Variants in RSPO2 observed in about 807,000 individuals in gnomAD.
RSPO2 encodes the protein R-spondin 2, also known as R-spondin-2.
Under a neutral mutation model 30.9 loss-of-function variants are expected in RSPO2, and 14 were observed. The ratio of observed to expected loss-of-function variants is 0.45; its 90% CI spans 0.30 to 0.71. RSPO2 has a LOEUF of 0.71. Among genes scored for constraint, RSPO2 ranks in the 30% least tolerant of loss-of-function variants. The pLI is 0.08. For missense variants in RSPO2, 264 were observed against 301.9 expected (o/e 0.87, Z 0.93); for synonymous variants, 107 against 96.4 (o/e 1.11, Z -0.64).
Position 108,050,711 on chromosome 8 carries a change from T to C in RSPO2, c.94+31834A>G, listed in dbSNP as rs553442668. ...TGCAGGGAAAACGGCTGCCACTATC[T>C]AGCAAATGTTGAACAGGACCTGAAC... On this transcript the variant is annotated intron_variant, in intron 2 of 5. Coordinates refer to ENST00000276659, the MANE Select transcript of RSPO2 (RefSeq NM_178565.5). 1.8e-4 allele frequency among the ~76,000 whole-genome samples: 27 copies of C among 152,278 alleles called. 1 individual carries two copies. In the South Asian group the frequency reaches 5.6e-3, roughly 32 times the overall value.
At chr8:108,075,598 C>G (rs1242767150) in intron 2 of RSPO2, among the ~76,000 whole-genome samples, 1 of 151,690 alleles carries the variant, frequency 6.6e-6, no homozygotes, top group Non-Finnish European at 1.5e-5. Context: ...GATACACAGA[C>G]ACTAGTGTAC....
chr8:108,043,890 C>A (rs932999082), intron 2 of RSPO2, among the ~76,000 whole-genome samples: 3 of 151,950 alleles, frequency 2.0e-5, no homozygotes, highest in African/African-American at 7.3e-5. Context: ...TTATCAAACT[C>A]AGCTTTAGAA....
intron 2 of RSPO2, among the ~76,000 whole-genome samples, chr8:108,065,289 G>GA (rs533689799): frequency 0.13 from 10,054 of 78,122 alleles, 489 homozygotes; most frequent in South Asian, 0.21. Context: ...CTCAGAAATT[G>GA]AAAAAAAAAA....
In RSPO2 at chr8:107,989,247, G is replaced by A. The variant is rs1395445387; in HGVS notation, c.95-3C>T. 2.0e-6 allele frequency: 3 copies of A among 1,534,354 alleles called. No homozygotes were observed. The highest frequency in any genetic ancestry group is 2.8e-5 in the African/African-American group (2 of 70,352). ...AATGGGATTTGATACATAACTAGCT[G>A]TAAAAGAAAAACAAAAATTGTGTTT... On this transcript the variant is annotated splice_polypyrimidine_tract_variant and splice_region_variant and intron_variant, in intron 2 of 5. Coordinates refer to ENST00000276659, the MANE Select transcript of RSPO2 (RefSeq NM_178565.5).
intron 2 of RSPO2, among the ~76,000 whole-genome samples, chr8:108,054,501 A>G (rs1016783052): frequency 1.3e-5 from 2 of 152,158 alleles, no homozygotes; most frequent in Non-Finnish European, 2.9e-5. Context: ...TCCATGAGTC[A>G]AAACTCAGGC....
chr8:108,065,558 C>A (rs1812639798), intron 2 of RSPO2, among the ~76,000 whole-genome samples: 1 of 151,162 alleles, frequency 6.6e-6, no homozygotes, highest in Admixed American at 6.6e-5. Flanking sequence ...AAAAACTATG[C>A]CAATAGTAAT....
At chr8:108,079,734 C>A (rs1287643961) in intron 2 of RSPO2, among the ~76,000 whole-genome samples, 4 of 151,098 alleles carry the variant, frequency 2.6e-5, no homozygotes, top group African/African-American at 9.7e-5. Flanking sequence ...CAGGGGTAAG[C>A]CTAACCAATC....
At chr8:108,045,016 G>A (rs2130665190) in intron 2 of RSPO2, among the ~76,000 whole-genome samples, 1 of 152,168 alleles carries the variant, frequency 6.6e-6, no homozygotes, top group Non-Finnish European at 1.5e-5. Context: ...CATCAGCCTT[G>A]GCAAAGAATT....
At chr8:108,064,723 C>A (rs906821541) in intron 2 of RSPO2, among the ~76,000 whole-genome samples, 4 of 152,082 alleles carry the variant, frequency 2.6e-5, no homozygotes, top group African/African-American at 4.8e-5. Flanking sequence ...CACATGCACA[C>A]GTATGTTTAT....
At chr8:107,907,985 G>T (rs1811707461) in intron 5 of RSPO2, among the ~76,000 whole-genome samples, 1 of 151,998 alleles carries the variant, frequency 6.6e-6, no homozygotes, top group Non-Finnish European at 1.5e-5. Flanking sequence ...CAAAATGATG[G>T]AAATGGAAAA....
At position 108,067,827 on chromosome 8, in the gene RSPO2, A is replaced by C. The variant is rs12675280; in HGVS notation, c.94+14718T>G. ...GCTAAGGCCAGGCACGGTGGCTCAC[A>C]CCTGTAATCCCAGCATTTTGGGAGG... On this transcript the variant is annotated intron_variant, in intron 2 of 5. Coordinates refer to ENST00000276659, the MANE Select transcript of RSPO2 (RefSeq NM_178565.5). Among the ~76,000 whole-genome samples the C allele has an allele frequency of 0.012, 1,878 of 152,250 alleles. 91 individuals are homozygous for C. The East Asian group carries it at 0.13, about 10-fold the overall frequency.
intron 2 of RSPO2, among the ~76,000 whole-genome samples, chr8:108,038,532 T>C (rs1178737291): frequency 6.6e-6 from 1 of 152,146 alleles, no homozygotes; most frequent in Non-Finnish European, 1.5e-5. Flanking sequence ...CTACTATGGA[T>C]AAGACATTAT....
intron 2 of RSPO2, among the ~76,000 whole-genome samples, chr8:108,049,383 G>A (rs529356556): frequency 2.6e-5 from 4 of 151,214 alleles, no homozygotes; most frequent in African/African-American, 7.3e-5. Context: ...AAGAATACAT[G>A]CATCTTTTTT....
At chr8:107,905,832 A>G (rs1405414866) in intron 5 of RSPO2, among the ~76,000 whole-genome samples, 1 of 151,848 alleles carries the variant, frequency 6.6e-6, no homozygotes, top group East Asian at 1.9e-4. Flanking sequence ...AGCAAGAGGT[A>G]TTTATTTAAG....
intron 5 of RSPO2, among the ~76,000 whole-genome samples, chr8:107,949,201 T>C (rs1813164568): frequency 6.6e-6 from 1 of 152,160 alleles, no homozygotes; most frequent in Admixed American, 6.5e-5. Context: ...ATTTCATTTG[T>C]ATGCCTTTGT....
chr8:108,024,066 A>G (rs1811131540), intron 2 of RSPO2, among the ~76,000 whole-genome samples: 1 of 152,170 alleles, frequency 6.6e-6, no homozygotes, highest in South Asian at 2.1e-4. Flanking sequence ...CCCTGTATTT[A>G]AAAGTAGGGG....
At chr8:107,983,108 C>G in intron 3 of RSPO2, 7 of 1,422,412 alleles carry the variant, frequency 4.9e-6, no homozygotes, top group Non-Finnish European at 6.7e-6. Flanking sequence ...GCCGCTTACC[C>G]CAGGGTCTAT....
At chr8:108,074,256 T>C (rs757503685) in intron 2 of RSPO2, among the ~76,000 whole-genome samples, 7 of 152,178 alleles carry the variant, frequency 4.6e-5, no homozygotes, top group Non-Finnish European at 1.0e-4. Flanking sequence ...TTTCTCCAAA[T>C]GACTAGATGA....
chr8:108,038,981 T>A (rs978010561), intron 2 of RSPO2, among the ~76,000 whole-genome samples: 1 of 152,176 alleles, frequency 6.6e-6, no homozygotes, highest in African/African-American at 2.4e-5. Flanking sequence ...AGTTATTTGA[T>A]AAATGCTTTG....
Sources: allele counts gnomAD v4.1 joint callset (sites outside exome capture counted in the v4.1 genomes callset), GRCh38; gene constraint gnomAD v4.1.1; transcripts MANE v1.5; gene names NCBI Gene and HGNC (gene_info 2026-07-23, HGNC 2026-07-21).